Variants in CNNM1 observed in about 807,000 individuals in gnomAD.
The protein encoded by CNNM1 is metal transporter CNNM1.
A neutral mutation model predicts 78.8 loss-of-function variants in CNNM1; 44 were observed. The ratio of observed to expected loss-of-function variants is 0.56; its 90% CI spans 0.44 to 0.72. CNNM1 has a LOEUF of 0.72. Among genes scored for constraint, CNNM1 ranks in the 30% least tolerant of loss-of-function variants. CNNM1 has a pLI of 0.00. For missense variants in CNNM1, 1,101 were observed against 1,292.2 expected, an observed-to-expected ratio of 0.85 and a Z score of 2.27; for synonymous variants, 584 against 581.5, an observed-to-expected ratio of 1.00 and a Z score of -0.06.
rs529350110 is a variant in CNNM1 at position 99,363,464 on chromosome 10, G to A, written c.2029-953G>A. Among the ~76,000 whole-genome samples, 108 of 152,194 alleles carry A rather than the reference G, an allele frequency of 7.1e-4. 1 individual carries two copies. Among genetic ancestry groups the A allele is most frequent in the African/African-American group, 2.4e-3 (98 of 41,526 alleles). ...ATAAAATGTAGTAGCAAGAGTGTAC[G>A]CTCAGAAATTTGAAAAATATGGCTT... On this transcript the variant is annotated intron_variant, in intron 4 of 10. Coordinates refer to ENST00000356713, the MANE Select transcript of CNNM1 (RefSeq NM_020348.3).
At chr10:99,388,797 G>A (rs2134084852) in intron 9 of CNNM1, among the ~76,000 whole-genome samples, 1 of 152,288 alleles carries the variant, frequency 6.6e-6, no homozygotes, top group Admixed American at 6.5e-5. Context: ...TTAGGAAACT[G>A]ATGTCAGCCA....
Position 99,388,244 on chromosome 10 carries a change from G to A in CNNM1, c.2617G>A (p.Glu873Lys), listed in dbSNP as rs145044605. The A allele has an allele frequency of 4.0e-5, 64 of 1,613,840 alleles. No individual in the cohort carries two copies. In the African/African-American group the frequency reaches 7.5e-4, roughly 19 times the overall value. The change falls in exon 9 of 11, where the codon GAG (glutamate) becomes AAG (lysine). Residue 873 changes from glutamate (E) to lysine (K), a missense_variant. Glu to Lys is a moderately conservative substitution (Grantham distance 56, BLOSUM62 1). This residue lies in a region of CNNM1 where 348 missense variants were observed against 384.5 expected (regional missense o/e 0.90). Transcript: ENST00000356713. Reference sequence around the variant, plus strand: ...CACCCAGGAAGAAATGACTGACTTCGAGGAGCACAGCACACAGCAGCTCAC... The same window carrying A: ...CACCCAGGAAGAAATGACTGACTTCAAGGAGCACAGCACACAGCAGCTCAC... The part of the protein sequence containing the change: ...AFTQEEMTDF[E>K]EHSTQQLTLS...
rs997732778 is a variant in CNNM1 at position 99,329,627 on chromosome 10, G to T, written c.240G>T (p.Pro80=). The part of the protein sequence containing the change: ...FLLRVYFQPG[P]PATAAPVPSP... ...TGCGTGTCTATTTCCAGCCAGGACC[G>T]CCGGCCACCGCCGCACCGGTGCCCT... Residue 80 remains proline (P), a synonymous_variant, in exon 1 of 11, where the codon CCG becomes CCT. Coordinates refer to ENST00000356713, the MANE Select transcript of CNNM1 (RefSeq NM_020348.3). The T allele has an allele frequency of 2.0e-6, 3 of 1,504,800 alleles. No homozygotes were observed. The highest frequency in any genetic ancestry group is 2.6e-6 in the Non-Finnish European group (3 of 1,135,388). 93.2% of individuals were successfully genotyped at this position (1,504,800 alleles called of 1,614,324 possible).
chr10:99,333,637 A>G (rs2030032614), intron 1 of CNNM1, among the ~76,000 whole-genome samples: 1 of 152,114 alleles, frequency 6.6e-6, no homozygotes. Context: ...GAGCCACTGC[A>G]CTTGGCCTCA....
intron 1 of CNNM1, among the ~76,000 whole-genome samples, chr10:99,338,405 A>G (rs914324983): frequency 6.6e-6 from 1 of 151,574 alleles, no homozygotes; most frequent in Admixed American, 6.6e-5. Context: ...CAGCCTCCCA[A>G]GTAGCTGGGA....
At chr10:99,379,931 G>C (rs1192155540) in intron 7 of CNNM1, among the ~76,000 whole-genome samples, 1 of 151,924 alleles carries the variant, frequency 6.6e-6, no homozygotes, top group Non-Finnish European at 1.5e-5. Context: ...AGCAGATCCA[G>C]CATCTGATGA....
intron 1 of CNNM1, among the ~76,000 whole-genome samples, chr10:99,348,806 C>G (rs564232275): frequency 6.6e-6 from 1 of 152,308 alleles, no homozygotes; most frequent in African/African-American, 2.4e-5. Context: ...AATCCCAGCA[C>G]TTTGGGAGGC....
At chr10:99,384,933 G>C (rs369296375) in intron 7 of CNNM1, among the ~76,000 whole-genome samples, 1 of 151,842 alleles carries the variant, frequency 6.6e-6, no homozygotes. Context: ...GCTGGGCGTC[G>C]TGGTGTGCAC....
rs750548915 is a variant in CNNM1 at position 99,360,928 on chromosome 10, A to G, written c.1811A>G (p.Lys604Arg). The change falls in exon 3 of 11, where the codon AAG (lysine) becomes AGG (arginine). Residue 604 changes from lysine to arginine, a missense_variant. Around this residue, in one of 3 missense-constraint regions of CNNM1, gnomAD observed 277 missense variants for 423.2 expected, o/e 0.65. Transcript: ENST00000356713. ...CTTTCGGACACGGAGATGCGGGTGAAGATCTCACCACAGCTTCTGCTAGCC... is the reference window on the plus strand; with the variant it reads ...CTTTCGGACACGGAGATGCGGGTGAGGATCTCACCACAGCTTCTGCTAGCC... Reference protein sequence around the residue: ...FKLSDTEMRVKISPQLLLATH... With the variant: ...FKLSDTEMRVRISPQLLLATH... 1 of 1,612,912 alleles carries G rather than the reference A, an allele frequency of 6.2e-7. No individual in the cohort carries two copies. The highest frequency in any genetic ancestry group is 1.1e-5 in the South Asian group (1 of 91,024).
intron 1 of CNNM1, among the ~76,000 whole-genome samples, chr10:99,356,400 C>T (rs764040192): frequency 2.0e-5 from 3 of 151,484 alleles, no homozygotes; most frequent in African/African-American, 4.9e-5. Flanking sequence ...CACTTGAACC[C>T]GGAAGGCGGA....
intron 6 of CNNM1, among the ~76,000 whole-genome samples, chr10:99,371,875 A>G (rs1338022691): frequency 2.0e-5 from 3 of 152,266 alleles, no homozygotes; most frequent in African/African-American, 7.2e-5. Context: ...ATTTTGGAGA[A>G]CAGAGATGGC....
intron 1 of CNNM1, among the ~76,000 whole-genome samples, chr10:99,347,576 A>AACAC (rs57477706): frequency 1.3e-4 from 18 of 140,798 alleles, no homozygotes; most frequent in East Asian, 2.1e-4. Flanking sequence ...ACCTTTTTGC[A>AACAC]ACACACACAC....
intron 6 of CNNM1, among the ~76,000 whole-genome samples, chr10:99,374,851 G>T (rs1482790675): frequency 6.6e-6 from 1 of 152,204 alleles, no homozygotes; most frequent in Non-Finnish European, 1.5e-5. Context: ...ATTAAAAGTT[G>T]AATTAAGTAG....
chr10:99,347,311 G>C (rs1258880567), intron 1 of CNNM1, among the ~76,000 whole-genome samples: 2 of 151,924 alleles, frequency 1.3e-5, no homozygotes, highest in Admixed American at 6.6e-5. Context: ...ACGAGGTCAG[G>C]AGTTCAAAAC....
rs142775718 is a variant in CNNM1, at chr10:99,360,922, G to A, written c.1805G>A (p.Arg602Gln). Residue 602 changes from arginine to glutamine, a missense_variant, in exon 3 of 11, where the codon CGG (arginine) becomes CAG (glutamine). By Grantham distance (43) the Arg-to-Gln change is conservative. Coordinates refer to ENST00000356713, the MANE Select transcript of CNNM1 (RefSeq NM_020348.3). ...TTTAAGCTTTCGGACACGGAGATGCGGGTGAAGATCTCACCACAGCTTCTG... is the reference window on the plus strand; with the variant it reads ...TTTAAGCTTTCGGACACGGAGATGCAGGTGAAGATCTCACCACAGCTTCTG... ...SLFKLSDTEMRVKISPQLLLA... is the reference protein window; with the variant it reads ...SLFKLSDTEMQVKISPQLLLA... 52 of 1,612,984 alleles carry A rather than the reference G, an allele frequency of 3.2e-5. No homozygotes were observed. Among genetic ancestry groups the A allele is most frequent in the South Asian group, 4.4e-5 (4 of 91,016 alleles).
rs1338208717 is a variant in CNNM1, at chr10:99,329,966, G to T, written c.579G>T (p.Ala193=). ...LFSLCAWDGR[A]WHHHGAAGGF... ...CACTCTGCGCCTGGGATGGGCGCGC[G>T]TGGCACCACCACGGCGCCGCCGGCG... The change falls in exon 1 of 11, where the codon GCG becomes GCT. Residue 193 remains alanine (A), a synonymous_variant. Coordinates refer to ENST00000356713, the MANE Select transcript of CNNM1 (RefSeq NM_020348.3). 10 of 1,385,480 alleles carry T rather than the reference G, an allele frequency of 7.2e-6. No homozygotes were observed. The highest frequency in any genetic ancestry group is 3.0e-5 in the East Asian group (1 of 33,490). The allele number at this position is 1,385,480 out of a possible 1,614,324, so 85.8% of individuals were successfully genotyped here. A position where few individuals can be genotyped will look rare whatever the true frequency, so the allele number is the denominator to read the frequency against.
chr10:99,364,113 C>T (rs1040738318), intron 4 of CNNM1, among the ~76,000 whole-genome samples: 5 of 152,008 alleles, frequency 3.3e-5, no homozygotes, highest in African/African-American at 9.7e-5. Flanking sequence ...TTTATGAGGC[C>T]CTGGATTAGC....
chr10:99,360,983 A>G lies in CNNM1; in HGVS notation c.1858+8A>G. 6.3e-7 allele frequency: 1 copy of G among 1,597,752 alleles called. No homozygotes were observed. Among genetic ancestry groups the G allele is most frequent in the Non-Finnish European group, 8.6e-7 (1 of 1,169,112 alleles). On this transcript the variant is annotated splice_region_variant and intron_variant, in intron 3 of 10. Transcript: ENST00000356713. The stretch of plus-strand genomic sequence containing the variant: ...ACCGCTTCATGGCCACAGGTAGGAC[A>G]AGTCTCCACTCCAGAGAAGCTAAAA...
intron 6 of CNNM1, among the ~76,000 whole-genome samples, chr10:99,371,822 A>G (rs560757336): frequency 6.6e-5 from 10 of 152,142 alleles, no homozygotes; most frequent in East Asian, 5.8e-4. Context: ...TAATAATTCT[A>G]GTTGGTACTC....
Sources: gnomAD v4.1 joint callset for allele counts (sites outside exome capture counted in the v4.1 genomes callset) on GRCh38, gnomAD v4.1.1 for gene constraint, gnomAD v4.1.1 regional missense constraint, MANE v1.5 for transcripts, NCBI Gene and HGNC (gene_info 2026-07-23, HGNC 2026-07-21) for gene names.